The following PROSER1 variants were observed in gnomAD, a reference collection of about 807,000 sequenced individuals.
PROSER1 encodes the protein proline and serine rich 1.
A neutral mutation model predicts 71.8 loss-of-function variants in PROSER1; 36 were observed. The ratio of observed to expected loss-of-function variants is 0.50; its 90% confidence interval spans 0.38 to 0.66. The LOEUF (loss-of-function observed/expected upper bound fraction) is 0.66. Among genes scored for constraint, PROSER1 ranks in the 30% least tolerant of loss-of-function variants. The probability of loss-of-function intolerance (pLI) is 0.00; values close to 1 mark genes in which losing one functional copy is unlikely to be tolerated. For synonymous variants in PROSER1, 490 were observed against 452.4 expected (o/e 1.08, Z -1.06); for missense variants, 1,107 against 1,135.0 (o/e 0.98, Z 0.35).
At position 39,032,445 on chromosome 13, in the gene PROSER1, C is replaced by G. The variant is rs1870891864; in HGVS notation, c.112-814G>C. 2.0e-5 allele frequency among the ~76,000 whole-genome samples: 3 copies of G among 152,166 alleles called. No homozygotes were observed. In the South Asian group the frequency reaches 6.2e-4, roughly 32 times the overall value. On this transcript the variant is annotated intron_variant, in intron 2 of 12. Transcript: ENST00000352251. ...GCATGATCACCACCACCCTGTTTGA[C>G]TGCCTCCAAAGATGCTCCAAAAGGG...
At chr13:39,027,470 G>A (rs1013455565) in intron 5 of PROSER1, among the ~76,000 whole-genome samples, 10 of 152,202 alleles carry the variant, frequency 6.6e-5, no homozygotes, top group South Asian at 6.2e-4. Flanking sequence ...TGACACGATC[G>A]GAACACTTCA....
rs765915347 is a variant in PROSER1 at position 39,013,465 on chromosome 13, G to A, written c.1787C>T (p.Ser596Phe). The stretch of plus-strand genomic sequence containing the variant: ...AGGAAGAGTTGTTGCAGCAGGGGTA[G>A]ATGAAATATGCAGATCTGAGGTACC... ...HPGTSDLHIS[S>F]TPAATTLPVM... Residue 596 changes from serine (S) to phenylalanine (F), a missense_variant, in exon 11 of 13, where the codon TCT becomes TTT. Coordinates refer to ENST00000352251, the MANE Select transcript of PROSER1 (RefSeq NM_025138.5). 6.2e-7 allele frequency: 1 copy of A among 1,614,102 alleles called. No individual in the cohort carries two copies. The highest frequency in any genetic ancestry group is 1.1e-5 in the South Asian group (1 of 91,080).
chr13:39,018,928 T>TA (rs1163913777), intron 9 of PROSER1, among the ~76,000 whole-genome samples: 1 of 151,818 alleles, frequency 6.6e-6, no homozygotes. Context: ...AATCCAAAGA[T>TA]AAAAAAAATT....
chr13:39,016,333 T>G (rs1022403913), intron 10 of PROSER1, among the ~76,000 whole-genome samples: 1 of 152,204 alleles, frequency 6.6e-6, no homozygotes, highest in South Asian at 2.1e-4. Flanking sequence ...ATTTGACAGA[T>G]GGGCAATCTG....
Position 39,014,202 on chromosome 13 carries a change from G to C in PROSER1, c.1050C>G (p.Ile350Met). Residue 350 changes from isoleucine to methionine, a missense_variant, in exon 11 of 13, where the codon ATC becomes ATG. Coordinates refer to ENST00000352251, the MANE Select transcript of PROSER1 (RefSeq NM_025138.5). ...PSLPTAPVTSIHSTTTTPVPS... is the reference protein window; with the variant it reads ...PSLPTAPVTSMHSTTTTPVPS... Reference sequence around the variant, plus strand: ...GAACAGGAGTGGTGGTTGTACTGTGGATGGATGTAACAGGTGCAGTGGGCA... The same window carrying C: ...GAACAGGAGTGGTGGTTGTACTGTGCATGGATGTAACAGGTGCAGTGGGCA... 1.2e-6 allele frequency: 2 copies of C among 1,614,202 alleles called. No homozygotes were observed. The highest frequency in any genetic ancestry group is 8.5e-7 in the Non-Finnish European group (1 of 1,180,048).
rs989503591 is a variant in PROSER1 at position 39,017,681 on chromosome 13, T to G, written c.731-137A>C. ...ATGTTAGGAAAAAAATGTACACATA[T>G]GGGAAAATAAATAAAAATAGTAGTA... On this transcript the variant is annotated intron_variant, in intron 9 of 12. Coordinates refer to ENST00000352251, the MANE Select transcript of PROSER1 (RefSeq NM_025138.5). 33 of 575,646 alleles carry G rather than the reference T, an allele frequency of 5.7e-5. No individual in the cohort carries two copies. The East Asian group carries it at 9.8e-4, about 17-fold the overall frequency. 35.7% of individuals were successfully genotyped at this position (575,646 alleles called of 1,614,324 possible). A position where few individuals can be genotyped will look rare whatever the true frequency, so the allele number is the denominator to read the frequency against.
At chr13:39,034,521 AAG>A (rs1266060692) in intron 1 of PROSER1, among the ~76,000 whole-genome samples, 7 of 152,238 alleles carry the variant, frequency 4.6e-5, no homozygotes, top group Admixed American at 2.6e-4. Context: ...TATGTAATTA[AAG>A]AGTTTCAAAA....
intron 10 of PROSER1, among the ~76,000 whole-genome samples, chr13:39,015,984 CTATCT>C (rs1374133197): frequency 6.6e-6 from 1 of 152,128 alleles, no homozygotes; most frequent in African/African-American, 2.4e-5. Flanking sequence ...TGAGAAATCA[CTATCT>C]TATTTATTAA....
At position 39,013,980 on chromosome 13, in the gene PROSER1, T is replaced by G. The variant is rs184592489; in HGVS notation, c.1272A>C (p.Ser424=). 1 of 1,613,986 alleles carries G rather than the reference T, an allele frequency of 6.2e-7. No homozygotes were observed. The stretch of plus-strand genomic sequence containing the variant: ...GGAGCCCTGCAAAAACTGATGACAA[T>G]GAAGCAGAATTTGGGTTGCTGGTAG... ...AASTSNPNSA[S]LSSVFAGLPL... The change falls in exon 11 of 13, where the codon TCA becomes TCC. Residue 424 remains serine (S), a synonymous_variant. Transcript: ENST00000352251.
chr13:39,029,267 A>AAAAAAT lies in PROSER1; in HGVS notation c.275+13_275+14insATTTTT. The AAAAAAT allele has an allele frequency of 7.2e-7, 1 of 1,394,918 alleles. No individual in the cohort carries two copies. The highest frequency in any genetic ancestry group is 9.7e-7 in the Non-Finnish European group (1 of 1,032,556). The allele number at this position is 1,394,918 out of a possible 1,614,324, so 86.4% of individuals were successfully genotyped here. A position where few individuals can be genotyped will look rare whatever the true frequency, so the allele number is the denominator to read the frequency against. ...CCAAGTAAAAAAAAAAAAAAAAAAA[A>AAAAAAT]AAGAAATACTTACGAGGCTAACAGT... On this transcript the variant is annotated intron_variant, in intron 4 of 12. Coordinates refer to ENST00000352251, the MANE Select transcript of PROSER1 (RefSeq NM_025138.5).
At position 39,014,076 on chromosome 13, in the gene PROSER1, G is replaced by A. The variant is rs1323344539; in HGVS notation, c.1176C>T (p.Ser392=). 1 of 1,614,192 alleles carries A rather than the reference G, an allele frequency of 6.2e-7. No homozygotes were observed. The highest frequency in any genetic ancestry group is 8.5e-7 in the Non-Finnish European group (1 of 1,180,036). The change falls in exon 11 of 13, where the codon TCC becomes TCT. Residue 392 remains serine, a synonymous_variant. Coordinates refer to ENST00000352251, the MANE Select transcript of PROSER1 (RefSeq NM_025138.5). ...CAGAAGTAGAAGCAAATGCTTCACT[G>A]GAACCAAGAGTGGACCGTGGTGTAG... ...PGPTPRSTLG[S]SEAFASTSAP... is the part of the protein sequence containing the mutation.
rs1217669442 is a variant in PROSER1 at position 39,011,431 on chromosome 13, A to G, written c.2769T>C (p.Ser923=). ...ATGGTGTTCCTGGCGCTGAAGGATAACTAGGAAACCCATCAGGCTGAGCTG... is the reference window on the plus strand; with the variant it reads ...ATGGTGTTCCTGGCGCTGAAGGATAGCTAGGAAACCCATCAGGCTGAGCTG... ...SYPAQPDGFP[S]YPSAPGTPFS... The change falls in exon 13 of 13, where the codon AGT becomes AGC. Residue 923 remains serine (S), a synonymous_variant. Transcript: ENST00000352251. 7 of 1,613,946 alleles carry G rather than the reference A, an allele frequency of 4.3e-6. No homozygotes were observed. In the Admixed American group the frequency reaches 5.0e-5, roughly 12 times the overall value.
chr13:39,024,033 T>TC (rs921328239), intron 7 of PROSER1: 2 of 159,452 alleles, frequency 1.3e-5, no homozygotes, highest in African/African-American at 4.8e-5. Flanking sequence ...CTCTAGTACT[T>TC]CAACTCCAAA....
At chr13:39,030,805 C>G (rs533536424) in intron 3 of PROSER1, among the ~76,000 whole-genome samples, 1 of 152,204 alleles carries the variant, frequency 6.6e-6, no homozygotes, top group South Asian at 2.1e-4. Flanking sequence ...CTTTTGGAAC[C>G]TGGAGAAACA....
rs114583715 is a variant in PROSER1, at chr13:39,034,697, T to C, written c.46-501A>G. Among the ~76,000 whole-genome samples, 653 of 152,320 alleles carry C rather than the reference T, an allele frequency of 4.3e-3. 9 individuals are homozygous for C. The highest frequency in any genetic ancestry group is 0.015 in the African/African-American group (632 of 41,556). ...TATAGGGACATAAGAATGCAAGAAG[T>C]CCTGAATTCAATGTCTGTGCCTGCC... is the stretch of plus-strand genomic sequence containing the variant. On this transcript the variant is annotated intron_variant, in intron 1 of 12. Coordinates refer to ENST00000352251, the MANE Select transcript of PROSER1 (RefSeq NM_025138.5).
chr13:39,028,222 A>G lies in PROSER1; in HGVS notation c.369+5T>C. On this transcript the variant is annotated splice_donor_5th_base_variant and intron_variant, in intron 5 of 12. Transcript: ENST00000352251. ...CCAAGTACATGACAATCTTTAGAAA[A>G]CTACCTGTTCAAGTATTCTCTTGCA... The G allele has an allele frequency of 6.7e-7, 1 of 1,499,142 alleles. No homozygotes were observed. The highest frequency in any genetic ancestry group is 9.3e-7 in the Non-Finnish European group (1 of 1,077,580). 92.9% of individuals were successfully genotyped at this position (1,499,142 alleles called of 1,614,324 possible). A position where few individuals can be genotyped will look rare whatever the true frequency, so the allele number is the denominator to read the frequency against.
At chr13:39,030,551 A>G (rs1170281007) in intron 3 of PROSER1, among the ~76,000 whole-genome samples, 1 of 152,148 alleles carries the variant, frequency 6.6e-6, no homozygotes, top group Non-Finnish European at 1.5e-5. Context: ...CCTCCTGGGT[A>G]GTTAGGACTA....
chr13:39,012,129 T>G lies in PROSER1; in HGVS notation c.2666A>C (p.Gln889Pro). The G allele has an allele frequency of 6.2e-7, 1 of 1,614,234 alleles. No individual in the cohort carries two copies. Among genetic ancestry groups the G allele is most frequent in the Non-Finnish European group, 8.5e-7 (1 of 1,180,044 alleles). Residue 889 changes from glutamine (Q) to proline (P), a missense_variant, in exon 12 of 13, where the codon CAA becomes CCA. By Grantham distance (76) the Gln-to-Pro change is moderately conservative. Transcript: ENST00000352251. ...FPQNPSQSSL[Q>P]ELQHNAAAQS... Reference sequence around the variant, plus strand: ...CGCAGCCGCATTATGCTGTAATTCTTGCAAGGATGATTGTGAAGGATTCTG... The same window carrying G: ...CGCAGCCGCATTATGCTGTAATTCTGGCAAGGATGATTGTGAAGGATTCTG...
intron 4 of PROSER1, 82 bp from the exon 5 acceptor site, chr13:39,028,402 C>G: frequency 1.4e-6 from 1 of 723,720 alleles, no homozygotes; most frequent in Non-Finnish European, 2.4e-6. Context: ...ACCACACAAA[C>G]ATCTGAGTAA....
Sources: allele counts gnomAD v4.1 joint callset (sites outside exome capture counted in the v4.1 genomes callset), GRCh38; gene constraint gnomAD v4.1.1; transcripts MANE v1.5; gene names NCBI Gene and HGNC (gene_info 2026-07-23, HGNC 2026-07-21).